The following PRPF19 variants were observed in gnomAD, a reference collection of about 807,000 sequenced individuals.
The protein encoded by PRPF19 is pre-mRNA processing factor 19.
A neutral mutation model predicts 64.2 loss-of-function variants in PRPF19; 2 were observed. The ratio of observed to expected loss-of-function variants is 0.03; its 90% CI spans 0.01 to 0.10. The LOEUF (loss-of-function observed/expected upper bound fraction) is 0.10, where lower values mean the gene tolerates loss of function less well. Among genes scored for constraint, PRPF19 ranks in the 10% least tolerant of loss-of-function variants. The pLI is 1.00. For missense variants in PRPF19, 314 were observed against 650.0 expected, an observed-to-expected ratio of 0.48 and a Z score of 5.62; for synonymous variants, 226 against 251.6, an observed-to-expected ratio of 0.90 and a Z score of 0.96.
At chr11:60,895,256 A>C (rs1177346293) in intron 15 of PRPF19, among the ~76,000 whole-genome samples, 4 of 152,254 alleles carry the variant, frequency 2.6e-5, no homozygotes, top group Non-Finnish European at 5.9e-5. Flanking sequence ...CCCACCGTCA[A>C]TGATCTTAGC....
chr11:60,898,299 G>A lies in PRPF19; in HGVS notation c.1141-28C>T, dbSNP rs375888100. 139 of 1,608,790 alleles carry A rather than the reference G, an allele frequency of 8.6e-5. 2 individuals are homozygous for A. In the Admixed American group the frequency reaches 1.5e-3, roughly 18 times the overall value. ...ACAGTGGCGGTGGGTAGTAAAATAC[G>A]TCACCCACAGATCATGAGAGGAAGA... On this transcript the variant is annotated intron_variant, in intron 13 of 15. Coordinates refer to ENST00000227524, the MANE Select transcript of PRPF19 (RefSeq NM_014502.5). This position sits in a 1 kb window ranked among gnomAD's most constrained non-coding sequence, Gnocchi z 4.6.
intron 1 of PRPF19, among the ~76,000 whole-genome samples, chr11:60,904,175 T>C (rs1238125954): frequency 6.6e-6 from 1 of 152,162 alleles, no homozygotes; most frequent in Non-Finnish European, 1.5e-5. Context: ...CCACCTCATA[T>C]CTGAACAATG....
chr11:60,896,185 C>T (rs1236366017), intron 15 of PRPF19, among the ~76,000 whole-genome samples: 1 of 152,108 alleles, frequency 6.6e-6, no homozygotes, highest in South Asian at 2.1e-4. Context: ...TATGCCTATA[C>T]TATACTTTTT....
chr11:60,891,289 G>A lies in PRPF19; in HGVS notation c.1418-26C>T, dbSNP rs370358090. On this transcript the variant is annotated intron_variant, in intron 15 of 15. Transcript: ENST00000227524. The stretch of plus-strand genomic sequence containing the variant: ...CTGAGGAGAAAGATAAGAGGCAACT[G>A]TGAGAAGGCTTTTCCTCCTTTAGTC... 675 of 1,560,430 alleles carry A rather than the reference G, an allele frequency of 4.3e-4. 2 individuals are homozygous for A. Among genetic ancestry groups the A allele is most frequent in the Non-Finnish European group, 5.5e-4 (620 of 1,133,246 alleles).
intron 1 of PRPF19, 151 bp downstream of exon 1, chr11:60,906,213 G>A (rs373134319): frequency 9.5e-6 from 12 of 1,267,852 alleles, no homozygotes; most frequent in African/African-American, 6.4e-5. Context: ...GCTCCGACGG[G>A]GGGGGCTCCG....
rs574903382 is a variant in PRPF19, at chr11:60,903,572, C to A, written c.170-37G>T. 1.5e-5 allele frequency: 24 copies of A among 1,607,830 alleles called. No homozygotes were observed. The South Asian group carries it at 2.5e-4, about 17-fold the overall frequency. On this transcript the variant is annotated intron_variant, in intron 2 of 15. Coordinates refer to ENST00000227524, the MANE Select transcript of PRPF19 (RefSeq NM_014502.5). ...GAAAGCAGGTATGAAGAACATAACC[C>A]AGGGGCCTCCCCCGCCATCACATCT...
Position 60,902,333 on chromosome 11 carries a change from G to A in PRPF19, c.525+70C>T, listed in dbSNP as rs1263950215. 2.0e-6 allele frequency: 3 copies of A among 1,521,272 alleles called. No homozygotes were observed. The highest frequency in any genetic ancestry group is 1.7e-5 in the Admixed American group (1 of 59,146). 94.2% of individuals were successfully genotyped at this position (1,521,272 alleles called of 1,614,324 possible). On this transcript the variant is annotated intron_variant, in intron 6 of 15. Coordinates refer to ENST00000227524, the MANE Select transcript of PRPF19 (RefSeq NM_014502.5). The surrounding 1 kb of genome is among the most constrained non-coding windows in gnomAD (Gnocchi z 5.0). ...CCAAAAGCACAGTGATTTTAGTCAC[G>A]ATGGACTCCAGACAGATGGTGAAAA... is the stretch of plus-strand genomic sequence containing the variant.
At chr11:60,893,525 T>C (rs12576127) in intron 15 of PRPF19, among the ~76,000 whole-genome samples, 54,118 of 149,388 alleles carry the variant, frequency 0.36, 9,994 homozygotes, top group Middle Eastern at 0.44. Context: ...AAGTATAACA[T>C]AATTAGGTAC....
At chr11:60,897,588 A>G in intron 15 of PRPF19, 1 of 368,658 alleles carries the variant, frequency 2.7e-6, no homozygotes, top group East Asian at 4.9e-5. Flanking sequence ...TTCAGTTATC[A>G]AAACTTCAGA....
chr11:60,900,277 T>G (rs1184367132), intron 10 of PRPF19, among the ~76,000 whole-genome samples: 2 of 152,222 alleles, frequency 1.3e-5, no homozygotes, highest in African/African-American at 4.8e-5. Flanking sequence ...TGAGCTTTGT[T>G]TTCTGTAGTT....
chr11:60,902,722 G>T lies in PRPF19; in HGVS notation c.388+18C>A, dbSNP rs1565111825. ...CAGAACCAGCCCAGGGTGGGGGATGGCAGGGGAGAGGCTGCACCTTCTCGG... is the reference window on the plus strand; with the variant it reads ...CAGAACCAGCCCAGGGTGGGGGATGTCAGGGGAGAGGCTGCACCTTCTCGG... On this transcript the variant is annotated intron_variant, in intron 4 of 15. Transcript: ENST00000227524. The surrounding 1 kb of genome is among the most constrained non-coding windows in gnomAD (Gnocchi z 5.0). 4 of 1,614,224 alleles carry T rather than the reference G, an allele frequency of 2.5e-6. No individual in the cohort carries two copies. The highest frequency in any genetic ancestry group is 2.5e-6 in the Non-Finnish European group (3 of 1,180,038).
chr11:60,897,354 C>A (rs1035901013), intron 15 of PRPF19, among the ~76,000 whole-genome samples: 2 of 152,198 alleles, frequency 1.3e-5, no homozygotes, highest in South Asian at 4.1e-4. Context: ...GTAGGCTACA[C>A]CATTTAGATA....
rs148553971 is a variant in PRPF19 at position 60,900,766 on chromosome 11, T to A, written c.719-75A>T. The A allele has an allele frequency of 7.3e-3, 11,565 of 1,587,930 alleles. 126 individuals are homozygous for A. The highest frequency in any genetic ancestry group is 0.036 in the South Asian group (3,167 of 88,460). ...CTTTTGCTCAAGGAAATGCTTTTGT[T>A]CCCATGCCCATGAAGAGGACAAGGA... On this transcript the variant is annotated intron_variant, in intron 9 of 15. Transcript: ENST00000227524.
At chr11:60,892,527 C>A (rs58963987) in intron 15 of PRPF19, among the ~76,000 whole-genome samples, 1,811 of 152,298 alleles carry the variant, frequency 0.012, 45 homozygotes, top group African/African-American at 0.042. Context: ...GTGGCTCCAT[C>A]GTATATCAAG....
rs768697967 is a variant in PRPF19, at chr11:60,902,397, A to T, written c.525+6T>A. On this transcript the variant is annotated splice_donor_region_variant and intron_variant, in intron 6 of 15. Transcript: ENST00000227524. This position sits in a 1 kb window ranked among gnomAD's most constrained non-coding sequence, Gnocchi z 5.0. ...AGCACTCCCACCAGGTGAGAGCAGG[A>T]CTTACCTTCTGAATAATCTCTGGGG... 2 of 1,613,384 alleles carry T rather than the reference A, an allele frequency of 1.2e-6. No homozygotes were observed. The highest frequency in any genetic ancestry group is 1.7e-6 in the Non-Finnish European group (2 of 1,179,520).
At chr11:60,899,433 G>A (rs368422022) in intron 10 of PRPF19, 129 bp from the exon 11 acceptor site, 9 of 998,052 alleles carry the variant, frequency 9.0e-6, no homozygotes, top group African/African-American at 3.3e-5. Context: ...TGCCCTCCCT[G>A]GAACCACCTA....
At chr11:60,892,846 C>T (rs1263329118) in intron 15 of PRPF19, among the ~76,000 whole-genome samples, 1 of 152,180 alleles carries the variant, frequency 6.6e-6, no homozygotes, top group Non-Finnish European at 1.5e-5. Context: ...GTCTTTGTCA[C>T]AGACTGTCAT....
rs778647519 is a variant in PRPF19, at chr11:60,902,768, G to A, written c.360C>T (p.Leu120=). 6.2e-7 allele frequency: 1 copy of A among 1,614,222 alleles called. No homozygotes were observed. Among genetic ancestry groups the A allele is most frequent in the Non-Finnish European group, 8.5e-7 (1 of 1,180,036 alleles). The part of the protein sequence containing the change: ...HDAACRVIAR[L]TKEVTAAREA... Reference sequence around the variant, plus strand: ...CTCGGGCAGCAGTGACTTCCTTGGTGAGACGGGCAATGACACGGCAGGCGG... The same window carrying A: ...CTCGGGCAGCAGTGACTTCCTTGGTAAGACGGGCAATGACACGGCAGGCGG... Residue 120 remains leucine, a synonymous_variant, in exon 4 of 16, where the codon CTC becomes CTT. Coordinates refer to ENST00000227524, the MANE Select transcript of PRPF19 (RefSeq NM_014502.5). This position sits in a 1 kb window ranked among gnomAD's most constrained non-coding sequence, Gnocchi z 5.0.
chr11:60,891,493 C>G (rs1186332260), intron 15 of PRPF19, among the ~76,000 whole-genome samples: 4 of 152,202 alleles, frequency 2.6e-5, no homozygotes, highest in Non-Finnish European at 5.9e-5. Flanking sequence ...TGCCAGCCCC[C>G]CCTTCTCACC....
Sources: gnomAD v4.1 joint callset for allele counts (sites outside exome capture counted in the v4.1 genomes callset) on GRCh38, gnomAD v4.1.1 for gene constraint, Gnocchi (gnomAD v3.1) non-coding constraint, MANE v1.5 for transcripts, NCBI Gene and HGNC (gene_info 2026-07-23, HGNC 2026-07-21) for gene names.